The following OSBPL8 variants were observed in gnomAD, a reference collection of about 807,000 sequenced individuals.
OSBPL8 encodes oxysterol binding protein like 8.
In OSBPL8, 59 loss-of-function variants were observed where a neutral mutation model predicts 125.5. That is an observed-to-expected ratio of 0.47 (90% CI 0.38 to 0.58). OSBPL8 has a LOEUF of 0.58. OSBPL8 is among the 20% of genes least tolerant of loss of function. The pLI, the probability that OSBPL8 is intolerant of heterozygous loss-of-function variation, is 0.00. For synonymous variants in OSBPL8, 330 were observed against 338.9 expected, an observed-to-expected ratio of 0.97 and a Z score of 0.29; for missense variants, 758 against 1,047.8, an observed-to-expected ratio of 0.72 and a Z score of 3.82.
chr12:76,499,551 C>G (rs1314176761), intron 1 of OSBPL8, among the ~76,000 whole-genome samples: 1 of 151,990 alleles, frequency 6.6e-6, no homozygotes, highest in Non-Finnish European at 1.5e-5. Context: ...AAAGCCTTTA[C>G]TTCAATATCA....
At chr12:76,489,556 G>C (rs987275828) in intron 1 of OSBPL8, among the ~76,000 whole-genome samples, 1 of 152,210 alleles carries the variant, frequency 6.6e-6, no homozygotes, top group Non-Finnish European at 1.5e-5. Context: ...CTGTATGATA[G>C]CACATCTGTT....
chr12:76,507,282 T>A (rs564482129), intron 1 of OSBPL8, among the ~76,000 whole-genome samples: 2 of 151,878 alleles, frequency 1.3e-5, no homozygotes, highest in East Asian at 3.9e-4. Flanking sequence ...CAAATAGTTA[T>A]TTCAGTCACA....
intron 4 of OSBPL8, among the ~76,000 whole-genome samples, chr12:76,433,076 G>A (rs1399937261): frequency 6.6e-6 from 1 of 152,128 alleles, no homozygotes; most frequent in Non-Finnish European, 1.5e-5. Context: ...AGAAACTTAT[G>A]TAAACACAAT....
intron 2 of OSBPL8, among the ~76,000 whole-genome samples, chr12:76,483,403 A>C (rs1877757220): frequency 6.6e-6 from 1 of 151,746 alleles, no homozygotes; most frequent in African/African-American, 2.4e-5. Flanking sequence ...CTCTACTAAA[A>C]ATACAAAAAA....
rs114403566 is a variant in OSBPL8 at position 76,449,669 on chromosome 12, T to A, written c.217+1182A>T. On this transcript the variant is annotated intron_variant, in intron 4 of 23. Transcript: ENST00000261183. ...TAGTACGTAAGATTTTAATATTCTGTGCAACAGAATGAGAAGCATACATAA... is the reference window on the plus strand; with the variant it reads ...TAGTACGTAAGATTTTAATATTCTGAGCAACAGAATGAGAAGCATACATAA... Among the ~76,000 whole-genome samples, 1,451 of 152,292 alleles carry A rather than the reference T, an allele frequency of 9.5e-3. 30 individuals carry two copies. Among genetic ancestry groups the A allele is most frequent in the African/African-American group, 0.034 (1,407 of 41,554 alleles).
intron 1 of OSBPL8, among the ~76,000 whole-genome samples, chr12:76,528,634 T>C (rs1000450980): frequency 1.3e-5 from 2 of 151,842 alleles, no homozygotes; most frequent in Non-Finnish European, 2.9e-5. Context: ...TAAAAGATAG[T>C]TGTCACAAGC....
At chr12:76,499,487 C>T (rs1016471732) in intron 1 of OSBPL8, among the ~76,000 whole-genome samples, 3 of 152,088 alleles carry the variant, frequency 2.0e-5, no homozygotes, top group African/African-American at 7.2e-5. Context: ...CCTTCCACCT[C>T]GACCTCCCAA....
intron 1 of OSBPL8, among the ~76,000 whole-genome samples, chr12:76,531,478 T>C (rs374294986): frequency 6.6e-6 from 1 of 152,194 alleles, no homozygotes; most frequent in Non-Finnish European, 1.5e-5. Context: ...GGCACCTTTT[T>C]GGCAAACCCA....
intron 13 of OSBPL8, 86 bp downstream of exon 13, chr12:76,386,493 C>A: frequency 1.5e-6 from 2 of 1,349,950 alleles, no homozygotes; most frequent in Non-Finnish European, 2.0e-6. Context: ...AGTAATGTAA[C>A]TGTTAACACA....
intron 1 of OSBPL8, among the ~76,000 whole-genome samples, chr12:76,518,647 C>T (rs34809473): frequency 1.0e-3 from 158 of 152,382 alleles, no homozygotes; most frequent in Non-Finnish European, 1.7e-3. Context: ...CTTTCTCATA[C>T]ATCCTCTAAA....
intron 4 of OSBPL8, among the ~76,000 whole-genome samples, chr12:76,439,667 A>T (rs1043583840): frequency 6.6e-6 from 1 of 152,138 alleles, no homozygotes; most frequent in Admixed American, 6.5e-5. Context: ...ATTACTAATT[A>T]GGTTACTTTA....
intron 1 of OSBPL8, among the ~76,000 whole-genome samples, chr12:76,524,913 A>C (rs1158026362): frequency 6.6e-6 from 1 of 152,174 alleles, no homozygotes; most frequent in Admixed American, 6.5e-5. Flanking sequence ...CGAACTCCTG[A>C]CCTTAGGTGA....
intron 4 of OSBPL8, among the ~76,000 whole-genome samples, chr12:76,432,644 A>G (rs948651541): frequency 6.6e-6 from 1 of 152,278 alleles, no homozygotes; most frequent in Non-Finnish European, 1.5e-5. Context: ...AACTAGAAAA[A>G]GAACAACAAA....
intron 4 of OSBPL8, among the ~76,000 whole-genome samples, chr12:76,439,467 T>A (rs1228037093): frequency 2.0e-5 from 3 of 152,114 alleles, no homozygotes; most frequent in Admixed American, 6.5e-5. Context: ...AGAGAGATTG[T>A]AAAACACCAT....
intron 4 of OSBPL8, among the ~76,000 whole-genome samples, chr12:76,435,185 T>TGC (rs1871307502): frequency 6.7e-6 from 1 of 149,130 alleles, no homozygotes; most frequent in Non-Finnish European, 1.5e-5. Context: ...TGTGTGTGTG[T>TGC]GCATATATAC....
chr12:76,395,300 C>T (rs575757880), intron 8 of OSBPL8, among the ~76,000 whole-genome samples: 27 of 152,148 alleles, frequency 1.8e-4, no homozygotes, highest in African/African-American at 6.0e-4. Context: ...TAGAAGTATA[C>T]AATACCAACA....
At chr12:76,403,872 C>A (rs1379096289) in intron 5 of OSBPL8, among the ~76,000 whole-genome samples, 2 of 152,124 alleles carry the variant, frequency 1.3e-5, no homozygotes, top group East Asian at 1.9e-4. Context: ...CAATGATACC[C>A]AGTGTGTATC....
intron 21 of OSBPL8, among the ~76,000 whole-genome samples, chr12:76,361,192 A>C (rs1331092972): frequency 6.6e-6 from 1 of 152,164 alleles, no homozygotes; most frequent in Non-Finnish European, 1.5e-5. Flanking sequence ...TGCTGCTTAG[A>C]AATTTCTTCT....
chr12:76,406,965 T>G (rs1954287593), intron 5 of OSBPL8, among the ~76,000 whole-genome samples: 1 of 152,178 alleles, frequency 6.6e-6, no homozygotes, highest in Non-Finnish European at 1.5e-5. Flanking sequence ...TTCATTGTGT[T>G]AATCAGGCTC....
Sources: allele counts gnomAD v4.1 joint callset (sites outside exome capture counted in the v4.1 genomes callset), GRCh38; gene constraint gnomAD v4.1.1; transcripts MANE v1.5; gene names NCBI Gene and HGNC (gene_info 2026-07-23, HGNC 2026-07-21).